The following ANO4 variants were observed in gnomAD, a reference collection of about 807,000 sequenced individuals.
ANO4 encodes the protein anoctamin-4.
In ANO4, 69 loss-of-function variants were observed where a neutral mutation model predicts 141.9. That is an observed-to-expected ratio of 0.49 (90% CI 0.40 to 0.59). The LOEUF (loss-of-function observed/expected upper bound fraction) is 0.59, where lower values mean the gene tolerates loss of function less well. Among genes scored for constraint, ANO4 ranks in the 20% least tolerant of loss-of-function variants. ANO4 has a pLI of 0.00. For missense variants in ANO4, 894 were observed against 1,162.2 expected, an observed-to-expected ratio of 0.77 and a Z score of 3.36; for synonymous variants, 350 against 394.3, an observed-to-expected ratio of 0.89 and a Z score of 1.33.
At chr12:100,750,985 A>G (rs2032348501) in intron 3 of ANO4, among the ~76,000 whole-genome samples, 1 of 152,234 alleles carries the variant, frequency 6.6e-6, no homozygotes. Context: ...CAGAGGGAAG[A>G]TATGAGCTGT....
intron 3 of ANO4, among the ~76,000 whole-genome samples, chr12:100,758,667 A>T (rs1470467020): frequency 1.3e-5 from 2 of 152,298 alleles, no homozygotes; most frequent in East Asian, 3.9e-4. Flanking sequence ...TTAATTTCTT[A>T]GGACCGCCAC....
intron 8 of ANO4, among the ~76,000 whole-genome samples, chr12:101,012,405 GTGAC>G (rs2046134290): frequency 6.6e-6 from 1 of 152,154 alleles, no homozygotes; most frequent in Non-Finnish European, 1.5e-5. Flanking sequence ...GGGCAGGAGA[GTGAC>G]TATCTTAGCT....
At chr12:100,887,414 T>C (rs1593640219) in intron 1 of ANO4, among the ~76,000 whole-genome samples, 2 of 152,356 alleles carry the variant, frequency 1.3e-5, no homozygotes, top group Admixed American at 1.3e-4. Context: ...TATTTGACCA[T>C]GCTACTCTCT....
intron 3 of ANO4, among the ~76,000 whole-genome samples, chr12:100,780,233 CA>C (rs1248101642): frequency 1.3e-5 from 2 of 152,052 alleles, no homozygotes; most frequent in Non-Finnish European, 2.9e-5. Context: ...GGAAAACCCC[CA>C]AATTGAGGCT....
At chr12:100,819,351 A>G (rs923058112) in intron 1 of ANO4, among the ~76,000 whole-genome samples, 16 of 151,948 alleles carry the variant, frequency 1.1e-4, no homozygotes, top group African/African-American at 3.9e-4. Flanking sequence ...GGTACCAGCA[A>G]TATAGATAGG....
intron 17 of ANO4, among the ~76,000 whole-genome samples, chr12:101,091,785 A>T (rs2049787705): frequency 1.3e-5 from 2 of 152,082 alleles, no homozygotes; most frequent in Non-Finnish European, 1.5e-5. Context: ...TAAATCACAT[A>T]TCCCATTTCT....
intron 14 of ANO4, among the ~76,000 whole-genome samples, chr12:101,061,611 C>T (rs1744614569): frequency 1.3e-5 from 2 of 151,852 alleles, no homozygotes; most frequent in African/African-American, 2.4e-5. Context: ...ATCTTGTCTT[C>T]ACACTTTATT....
At position 100,780,774 on chromosome 12, in the gene ANO4, C is replaced by T. The variant is rs535850366; in HGVS notation, c.358+40669C>T. ...GCCCAGGCTGGTCTTGAACTCCTGG[C>T]TTCAAGCAATCCTCTCACCTTGGCC... On this transcript the variant is annotated intron_variant, in intron 3 of 29. Coordinates refer to the ANO4 transcript ENST00000644049. Among the ~76,000 whole-genome samples the T allele has an allele frequency of 3.9e-5, 6 of 152,248 alleles. No homozygotes were observed. The South Asian group carries it at 8.3e-4, about 21-fold the overall frequency.
At chr12:100,743,974 C>T (rs1053688735) in intron 3 of ANO4, among the ~76,000 whole-genome samples, 1 of 152,110 alleles carries the variant, frequency 6.6e-6, no homozygotes, top group African/African-American at 2.4e-5. Flanking sequence ...CCACTACCAC[C>T]TCCGCCTCAC....
chr12:100,960,923 C>T (rs76681489), intron 5 of ANO4, among the ~76,000 whole-genome samples: 4,384 of 152,110 alleles, frequency 0.029, 208 homozygotes, highest in African/African-American at 0.1. Context: ...AGTGAAGGGA[C>T]GTTTGGAATT....
At chr12:101,068,724 A>G (rs111558258) in intron 14 of ANO4, 12 of 1,303,072 alleles carry the variant, frequency 9.2e-6, no homozygotes, top group African/African-American at 5.8e-5. Flanking sequence ...AAATGACCAG[A>G]TCTCATAAAA....
chr12:100,897,412 G>T (rs1355185297), intron 1 of ANO4, among the ~76,000 whole-genome samples: 2 of 152,210 alleles, frequency 1.3e-5, no homozygotes, highest in African/African-American at 4.8e-5. Context: ...CATGCTCAGT[G>T]TTATTTCCTT....
chr12:100,795,259 CTCTG>C (rs2135632328), intron 1 of ANO4, among the ~76,000 whole-genome samples: 1 of 134,204 alleles, frequency 7.5e-6, no homozygotes, highest in East Asian at 1.9e-4. Context: ...AATATAAGTG[CTCTG>C]TCTTTGTCCT....
intron 1 of ANO4, among the ~76,000 whole-genome samples, chr12:100,864,990 C>G (rs1248433136): frequency 6.6e-6 from 1 of 152,120 alleles, no homozygotes; most frequent in Non-Finnish European, 1.5e-5. Flanking sequence ...CAGCTTCATC[C>G]ATGGTGTATA....
chr12:100,964,107 A>G (rs994259026), intron 5 of ANO4, among the ~76,000 whole-genome samples: 1 of 152,158 alleles, frequency 6.6e-6, no homozygotes, highest in South Asian at 2.1e-4. Context: ...TACATTGTGC[A>G]TTGACTGTAA....
At chr12:100,829,275 T>A (rs1913594) in intron 1 of ANO4, among the ~76,000 whole-genome samples, 125,747 of 151,890 alleles carry the variant, frequency 0.83, 52,092 homozygotes, top group Admixed American at 0.87. Flanking sequence ...TTACTTTTTA[T>A]CTCTCAATCC....
At chr12:101,101,864 C>G (rs894468701) in intron 22 of ANO4, among the ~76,000 whole-genome samples, 1 of 152,032 alleles carries the variant, frequency 6.6e-6, no homozygotes. Context: ...AGGTGGATCA[C>G]CTGAGGTCAC....
chr12:100,791,912 T>C (rs2034061243), upstream of ANO4, among the ~76,000 whole-genome samples: 1 of 152,250 alleles, frequency 6.6e-6, no homozygotes, highest in South Asian at 2.1e-4. Context: ...AGACACTGGC[T>C]TTCAGAAGTT....
intron 8 of ANO4, among the ~76,000 whole-genome samples, chr12:101,008,097 T>C (rs1272538989): frequency 6.6e-6 from 1 of 152,212 alleles, no homozygotes; most frequent in African/African-American, 2.4e-5. Flanking sequence ...TCAATGTGGA[T>C]GTTTTATTTT....
Sources: allele counts gnomAD v4.1 joint callset (sites outside exome capture counted in the v4.1 genomes callset), GRCh38; gene constraint gnomAD v4.1.1; transcripts MANE v1.5; gene names NCBI Gene and HGNC (gene_info 2026-07-23, HGNC 2026-07-21).